The following ATRX variants were observed in gnomAD, a reference collection of about 807,000 sequenced individuals.
The protein encoded by ATRX is chromatin remodeler ATRX.
Under a neutral mutation model 172.6 loss-of-function variants are expected in ATRX, and 12 were observed. That is an observed-to-expected ratio of 0.07 (90% CI 0.04 to 0.11). The LOEUF (loss-of-function observed/expected upper bound fraction) is 0.11, where lower values mean the gene tolerates loss of function less well. Among genes scored for constraint, ATRX ranks in the 10% least tolerant of loss-of-function variants. ATRX has a pLI of 1.00. For synonymous variants in ATRX, 674 were observed against 594.7 expected, an observed-to-expected ratio of 1.13 and a Z score of -1.94; for missense variants, 1,368 against 1,767.4, an observed-to-expected ratio of 0.77 and a Z score of 4.05.
At chrX:77,595,028 C>T (rs1046576081) in intron 25 of ATRX, 1 of 111,645 alleles carries the variant, frequency 9.0e-6, no homozygotes, top group Middle Eastern at 4.2e-3. Flanking sequence ...AACGAATGCT[C>T]ATTGCTGAGT....
intron 2 of ATRX, among the ~76,000 whole-genome samples, chrX:77,703,461 T>C (rs2072646508): frequency 8.9e-6 from 1 of 112,408 alleles, no homozygotes; most frequent in Non-Finnish European, 1.9e-5. Context: ...AGCTGGACCA[T>C]GAACACCACA....
At chrX:77,717,530 T>C (rs955779338) in intron 1 of ATRX, among the ~76,000 whole-genome samples, 11 of 105,561 alleles carry the variant, frequency 1.0e-4, no homozygotes, top group African/African-American at 3.5e-4. Flanking sequence ...TTGAGCCTTG[T>C]GAGGCAGAGG....
At chrX:77,669,178 T>G (rs1280312934) in intron 10 of ATRX, among the ~76,000 whole-genome samples, 1 of 111,915 alleles carries the variant, frequency 8.9e-6, no homozygotes, top group African/African-American at 3.3e-5. Context: ...CAAAGCTAAC[T>G]AGTGGCAAAG....
chrX:77,520,955 C>T, intron 33 of ATRX, 39 bp from the exon 34 acceptor site: 1 of 1,139,476 alleles, frequency 8.8e-7, no homozygotes, highest in East Asian at 3.0e-5. Context: ...TATTACTGTA[C>T]AATTGAGGAA....
intron 14 of ATRX, among the ~76,000 whole-genome samples, chrX:77,653,337 C>G (rs1349536161): frequency 8.9e-6 from 1 of 112,066 alleles, no homozygotes; most frequent in Non-Finnish European, 1.9e-5. Flanking sequence ...AAATGTGGCA[C>G]ACACTTACAA....
chrX:77,645,425 T>C (rs2068865085), intron 15 of ATRX, among the ~76,000 whole-genome samples: 2 of 111,718 alleles, frequency 1.8e-5, no homozygotes, highest in African/African-American at 3.3e-5. Flanking sequence ...AGGGGTGAGC[T>C]ACTGTGCCAG....
intron 27 of ATRX, among the ~76,000 whole-genome samples, chrX:77,586,233 T>C (rs2066015841): frequency 8.9e-6 from 1 of 112,147 alleles, no homozygotes; most frequent in Non-Finnish European, 1.9e-5. Context: ...CATGCATGTA[T>C]CAAAATATCT....
chrX:77,537,895 C>T (rs896043855), intron 30 of ATRX, among the ~76,000 whole-genome samples: 3 of 110,825 alleles, frequency 2.7e-5, no homozygotes, highest in Admixed American at 9.7e-5. Context: ...AGCAAAGTCA[C>T]GGAATCAGCC....
chrX:77,542,937 G>T (rs782587620), intron 30 of ATRX, among the ~76,000 whole-genome samples: 98 of 111,715 alleles, frequency 8.8e-4, no homozygotes, highest in Non-Finnish European at 1.2e-3. Flanking sequence ...AAAAGCAATG[G>T]CAACAAAAGC....
At position 77,574,333 on chromosome X, in the gene ATRX, A is replaced by G; in HGVS notation, c.6243T>C (p.Ile2081=). 1 of 1,205,178 alleles carries G rather than the reference A, an allele frequency of 8.3e-7. No individual in the cohort carries two copies. Among genetic ancestry groups the G allele is most frequent in the Non-Finnish European group, 1.1e-6 (1 of 889,807 alleles). The part of the protein sequence containing the change: ...YKGEGKWLRN[I]DYYRLDGSTT... ...TGGAACCATCTAAACGGTAATAGTC[A>G]ATGTTTCGAAGCCACTTCCCCTCAC... The change falls in exon 28 of 35, where the codon ATT becomes ATC. Residue 2081 remains isoleucine, a synonymous_variant. Transcript: ENST00000373344.
At position 77,633,547 on chromosome X, in the gene ATRX, A is replaced by G; in HGVS notation, c.4956+19T>C. The G allele has an allele frequency of 2.5e-6, 3 of 1,194,267 alleles. No individual in the cohort carries two copies. Among genetic ancestry groups the G allele is most frequent in the Non-Finnish European group, 3.4e-6 (3 of 882,384 alleles). On this transcript the variant is annotated intron_variant, in intron 18 of 34. Transcript: ENST00000373344. ...TCATGTGACTATTTTAATAATAGAA[A>G]ACATTTAAAATAAGTTACCTCAAGC...
At chrX:77,678,587 A>T (rs1253665977) in intron 9 of ATRX, among the ~76,000 whole-genome samples, 1 of 111,484 alleles carries the variant, frequency 9.0e-6, no homozygotes, top group East Asian at 2.8e-4. Context: ...CCTGGGTTCA[A>T]GCGATTCTCC....
At position 77,785,994 on chromosome X, in the gene ATRX, G is replaced by T. The variant is rs868952037; in HGVS notation, c.8C>A (p.Ala3Asp). ...GGTTGCGTTTTACCTCATGGGCTCA[G>T]CGGTCATGTTTTCGCTTGAACGCCT... MT[A>D]EPMSESKLNT... The change falls in exon 1 of 35, where the codon GCT (alanine) becomes GAT (aspartate). Residue 3 changes from alanine (A) to aspartate (D), a missense_variant. Coordinates refer to ENST00000373344, the MANE Select transcript of ATRX (RefSeq NM_000489.6). 25 of 1,191,221 alleles carry T rather than the reference G, an allele frequency of 2.1e-5. No homozygotes were observed. Among genetic ancestry groups the T allele is most frequent in the Non-Finnish European group, 2.8e-5 (25 of 886,477 alleles).
intron 26 of ATRX, among the ~76,000 whole-genome samples, chrX:77,593,275 G>A (rs1029178765): frequency 1.8e-5 from 2 of 108,541 alleles, no homozygotes; most frequent in Non-Finnish European, 3.8e-5. Flanking sequence ...TAATCAAGCA[G>A]GTAAAATAAA....
At chrX:77,775,055 G>T (rs2076300151) in intron 1 of ATRX, among the ~76,000 whole-genome samples, 1 of 111,148 alleles carries the variant, frequency 9.0e-6, no homozygotes. Flanking sequence ...TTTTAATTTT[G>T]CTAACTATAC....
At chrX:77,769,500 G>A (rs1557197960) in intron 1 of ATRX, among the ~76,000 whole-genome samples, 1 of 110,607 alleles carries the variant, frequency 9.0e-6, no homozygotes, top group East Asian at 2.8e-4. Flanking sequence ...TGTTGGCCAG[G>A]CTGGTCTTGA....
intron 2 of ATRX, among the ~76,000 whole-genome samples, chrX:77,700,004 T>C (rs1261762491): frequency 9.0e-6 from 1 of 111,694 alleles, no homozygotes; most frequent in Non-Finnish European, 1.9e-5. Flanking sequence ...CTTATGAATA[T>C]AGATGCAAAA....
intron 2 of ATRX, among the ~76,000 whole-genome samples, chrX:77,713,497 C>T (rs973849619): frequency 7.2e-5 from 8 of 111,015 alleles, no homozygotes; most frequent in Non-Finnish European, 1.5e-4. Flanking sequence ...TTTGAAGGGA[C>T]AGAAAGAAAG....
chrX:77,768,853 G>A (rs1557197560), intron 1 of ATRX, among the ~76,000 whole-genome samples: 2 of 111,629 alleles, frequency 1.8e-5, no homozygotes, highest in African/African-American at 3.3e-5. Flanking sequence ...ACAAAGTTTG[G>A]TGCCTTCTTT....
Sources: gnomAD v4.1 joint callset for allele counts (sites outside exome capture counted in the v4.1 genomes callset) on GRCh38, gnomAD v4.1.1 for gene constraint, MANE v1.5 for transcripts, NCBI Gene and HGNC (gene_info 2026-07-23, HGNC 2026-07-21) for gene names.